RARB: variants seen among roughly 807,000 people sequenced by gnomAD.
The protein encoded by RARB is retinoic acid receptor beta.
In RARB, 17 loss-of-function variants were observed where a neutral mutation model predicts 51.9. That is an observed-to-expected ratio of 0.33 (90% CI 0.22 to 0.49). The LOEUF (loss-of-function observed/expected upper bound fraction) is 0.49, where lower values mean the gene tolerates loss of function less well. Among genes scored for constraint, RARB ranks in the 20% least tolerant of loss-of-function variants. The pLI, the probability that RARB is intolerant of heterozygous loss-of-function variation, is 0.99. For missense variants in RARB, 369 were observed against 550.8 expected, an observed-to-expected ratio of 0.67 and a Z score of 3.30; for synonymous variants, 215 against 195.4, an observed-to-expected ratio of 1.10 and a Z score of -0.84.
intron 5 of RARB, among the ~76,000 whole-genome samples, chr3:25,186,389 C>G (rs1700974617): frequency 6.6e-6 from 1 of 152,064 alleles, no homozygotes; most frequent in Non-Finnish European, 1.5e-5. Context: ...TGACTTAGCA[C>G]ATTCTATAAA....
chr3:25,383,519 C>T (rs1706692646), intron 5 of RARB, among the ~76,000 whole-genome samples: 1 of 152,244 alleles, frequency 6.6e-6, no homozygotes, highest in African/African-American at 2.4e-5. Flanking sequence ...TCACCATCAG[C>T]ATCTGCACTG....
At chr3:25,159,146 C>CA (rs1700430253) in intron 4 of RARB, among the ~76,000 whole-genome samples, 1 of 144,588 alleles carries the variant, frequency 6.9e-6, no homozygotes, top group Non-Finnish European at 1.5e-5. Context: ...AAAACTGTTC[C>CA]AAATTGTCTT....
At chr3:25,319,845 T>G (rs1467011619) in intron 5 of RARB, among the ~76,000 whole-genome samples, 1 of 152,162 alleles carries the variant, frequency 6.6e-6, no homozygotes, top group African/African-American at 2.4e-5. Flanking sequence ...GGATATACTC[T>G]CAGTCACTTC....
chr3:25,076,640 GAGTA>G (rs1698875874), intron 3 of RARB, among the ~76,000 whole-genome samples: 1 of 152,122 alleles, frequency 6.6e-6, no homozygotes, highest in Non-Finnish European at 1.5e-5. Context: ...TAAATATTCT[GAGTA>G]AGTCTTATGA....
chr3:24,836,516 T>G (rs1702347659), intron 1 of RARB, among the ~76,000 whole-genome samples: 2 of 152,182 alleles, frequency 1.3e-5, no homozygotes, highest in Non-Finnish European at 2.9e-5. Flanking sequence ...AATAAAATGT[T>G]AATCAGAATA....
At chr3:24,985,601 C>A (rs995908447) in intron 2 of RARB, among the ~76,000 whole-genome samples, 2 of 152,112 alleles carry the variant, frequency 1.3e-5, no homozygotes, top group Non-Finnish European at 2.9e-5. Context: ...TTGGTTTGAA[C>A]CTCCAGATTG....
intron 5 of RARB, among the ~76,000 whole-genome samples, chr3:25,238,570 T>C (rs747120331): frequency 6.6e-5 from 10 of 152,200 alleles, no homozygotes; most frequent in Non-Finnish European, 1.3e-4. Context: ...TTTAGTTTTT[T>C]GAAAAATTGC....
At chr3:25,516,722 G>A (rs1442686660) in intron 3 of RARB, among the ~76,000 whole-genome samples, 1 of 150,494 alleles carries the variant, frequency 6.6e-6, no homozygotes, top group African/African-American at 2.5e-5. Context: ...TGCCTCCTGG[G>A]TTCAAGTGAT....
chr3:24,854,478 T>C (rs967314816), intron 1 of RARB, among the ~76,000 whole-genome samples: 1 of 152,142 alleles, frequency 6.6e-6, no homozygotes, highest in Non-Finnish European at 1.5e-5. Flanking sequence ...TCTGCAATTG[T>C]TTTCCAAGTG....
intron 3 of RARB, among the ~76,000 whole-genome samples, chr3:25,081,556 T>G (rs1698994044): frequency 7.5e-6 from 1 of 134,008 alleles, no homozygotes; most frequent in Admixed American, 7.8e-5. Context: ...CTATTTCTCC[T>G]TTTACTTTTG....
chr3:25,332,534 TAAG>T (rs1299256628), intron 5 of RARB, among the ~76,000 whole-genome samples: 2 of 152,132 alleles, frequency 1.3e-5, no homozygotes, highest in African/African-American at 2.4e-5. Context: ...CTCAAAATAA[TAAG>T]AGCCATTTAT....
intron 2 of RARB, among the ~76,000 whole-genome samples, chr3:24,908,466 T>A (rs1694914812): frequency 6.6e-6 from 1 of 152,128 alleles, no homozygotes; most frequent in African/African-American, 2.4e-5. Flanking sequence ...CCTTAACAAT[T>A]TGGATCTTCT....
intron 5 of RARB, among the ~76,000 whole-genome samples, chr3:25,251,647 T>C: frequency 6.6e-6 from 1 of 152,236 alleles, no homozygotes; most frequent in Admixed American, 6.5e-5. Context: ...CTATTGGCTA[T>C]TTGCATATCT....
chr3:25,448,439 A>C (rs2125538655), intron 1 of RARB, among the ~76,000 whole-genome samples: 1 of 152,298 alleles, frequency 6.6e-6, no homozygotes, highest in Middle Eastern at 3.4e-3. Flanking sequence ...TAGTTTGAAC[A>C]GTTCTATATA....
At chr3:24,871,322 T>C (rs1260843839) in intron 2 of RARB, among the ~76,000 whole-genome samples, 1 of 152,196 alleles carries the variant, frequency 6.6e-6, no homozygotes, top group African/African-American at 2.4e-5. Context: ...TTAAAATCTC[T>C]TGATGGTCAA....
At chr3:24,829,917 G>C (rs954840892) in intron 1 of RARB, among the ~76,000 whole-genome samples, 1 of 152,338 alleles carries the variant, frequency 6.6e-6, no homozygotes, top group East Asian at 1.9e-4. Flanking sequence ...TCCCCTGTGG[G>C]GATCTAAGCT....
At position 25,064,509 on chromosome 3, in the gene RARB, T is replaced by C. The variant is rs939886190; in HGVS notation, c.-328+4333T>C. Among the ~76,000 whole-genome samples, 3 of 152,238 alleles carry C rather than the reference T, an allele frequency of 2.0e-5. No individual in the cohort carries two copies. The East Asian group carries it at 5.8e-4, about 29-fold the overall frequency. On this transcript the variant is annotated intron_variant, in intron 3 of 11. Transcript: ENST00000383772. ...CTTAGTGCTCACTGAAACTGTCTTA[T>C]AGAATTACCGAGAGACAGTTATGGC... is the stretch of plus-strand genomic sequence containing the variant.
At chr3:25,150,337 C>T (rs1289082578) in intron 4 of RARB, among the ~76,000 whole-genome samples, 3 of 152,158 alleles carry the variant, frequency 2.0e-5, no homozygotes, top group Admixed American at 2.0e-4. Context: ...GGACAGGATT[C>T]CCAAGGGAGA....
intron 2 of RARB, among the ~76,000 whole-genome samples, chr3:24,912,814 T>C (rs1313529117): frequency 2.6e-5 from 4 of 152,058 alleles, no homozygotes; most frequent in Admixed American, 2.6e-4. Flanking sequence ...AGTTTTTCTA[T>C]CCTTGTGTAT....
Sources: allele counts gnomAD v4.1 joint callset (sites outside exome capture counted in the v4.1 genomes callset), GRCh38; gene constraint gnomAD v4.1.1; transcripts MANE v1.5; gene names NCBI Gene and HGNC (gene_info 2026-07-23, HGNC 2026-07-21).